The following MOK variants were observed in gnomAD, a reference collection of about 807,000 sequenced individuals.
MOK encodes the protein MOK protein kinase, also known as MAPK/MAK/MRK overlapping kinase.
In MOK, 59 loss-of-function variants were observed where a neutral mutation model predicts 54.2. The ratio of observed to expected loss-of-function variants is 1.09; its 90% CI spans 0.88 to 1.35. The LOEUF is 1.35. Among genes scored for constraint, MOK ranks in the 40% most tolerant of loss-of-function variants. The pLI, the probability that MOK is intolerant of heterozygous loss-of-function variation, is 0.00. For synonymous variants in MOK, 210 were observed against 202.7 expected (o/e 1.04, Z -0.31); for missense variants, 517 against 526.2 (o/e 0.98, Z 0.17).
At chr14:102,223,049 C>G (rs885586), downstream of MOK, 1 of 662,732 alleles carries the variant, frequency 1.5e-6, no homozygotes, top group Non-Finnish European at 2.5e-6. Flanking sequence ...GCCGTGCTCC[C>G]GCTGCTCACC....
At chr14:102,276,331 A>G (rs1387346790) in intron 2 of MOK, among the ~76,000 whole-genome samples, 1 of 150,542 alleles carries the variant, frequency 6.6e-6, no homozygotes, top group Non-Finnish European at 1.5e-5. Context: ...AAAAAATACA[A>G]AAAAAAAATT....
rs750364941 is a variant in MOK at position 102,236,500 on chromosome 14, C to T, written c.591-2711G>A. 6.6e-6 allele frequency among the ~76,000 whole-genome samples: 1 copy of T among 152,206 alleles called. No individual in the cohort carries two copies. Among genetic ancestry groups the T allele is most frequent in the Non-Finnish European group, 1.5e-5 (1 of 68,038 alleles). ...TTATCATGCCTCGTTGCCCTACCCC[C>T]ATCCTAGGCCAAATTCAAAGCCAAA... On this transcript the variant is annotated intron_variant, in intron 7 of 11. Coordinates refer to ENST00000361847, the MANE Select transcript of MOK (RefSeq NM_014226.3). The surrounding 1 kb of genome is among the most constrained non-coding windows in gnomAD (Gnocchi z 4.5).
At chr14:102,220,181 C>T (rs906642616), downstream of MOK, among the ~76,000 whole-genome samples, 1 of 152,188 alleles carries the variant, frequency 6.6e-6, no homozygotes, top group African/African-American at 2.4e-5. The surrounding 1 kb of genome is among the most constrained non-coding windows in gnomAD (Gnocchi z 4.2). Context: ...GCCGCCCTCC[C>T]CTGGGAGTGA....
chr14:102,290,935 C>T (rs1352587282), intron 1 of MOK, among the ~76,000 whole-genome samples: 1 of 152,120 alleles, frequency 6.6e-6, no homozygotes, highest in East Asian at 1.9e-4. Context: ...CCCCCAGCAC[C>T]GCTCTAGATC....
intron 4 of MOK, among the ~76,000 whole-genome samples, chr14:102,261,419 ATATATATATATATAT>A (rs1254508077): frequency 6.2e-4 from 7 of 11,380 alleles, no homozygotes; most frequent in East Asian, 2.0e-3. Context: ...AAAAAAAAAA[ATATATATATATATAT>A]ATATATATAT....
At chr14:102,226,307 C>T (rs751555109), downstream of MOK, 3 of 702,368 alleles carry the variant, frequency 4.3e-6, no homozygotes, top group East Asian at 5.4e-5. The surrounding 1 kb of genome is among the most constrained non-coding windows in gnomAD (Gnocchi z 4.8). Context: ...GGTGACACTG[C>T]GGCCGGGCAG....
chr14:102,224,037 A>ATTTTTTTTTTTTTTTTTTTTTTTTTTTTT (rs533802492), downstream of MOK, among the ~76,000 whole-genome samples: 1 of 123,124 alleles, frequency 8.1e-6, no homozygotes, highest in Non-Finnish European at 1.7e-5. Context: ...TTTACCTGAG[A>ATTTTTTTTTTTTTTTTTTTTTTTTTTTTT]TTTTTTTTTT....
chr14:102,296,238 T>A (rs1306720983), intron 1 of MOK, among the ~76,000 whole-genome samples: 3 of 116,790 alleles, frequency 2.6e-5, no homozygotes, highest in African/African-American at 3.5e-5. Context: ...AGACTGAGAG[T>A]ACGTCTCAAA....
rs148360666 is a variant in MOK at position 102,232,662 on chromosome 14, T to G, written c.739A>C (p.Ile247Leu). The G allele has an allele frequency of 1.2e-6, 2 of 1,613,964 alleles. No homozygotes were observed. Among genetic ancestry groups the G allele is most frequent in the South Asian group, 2.2e-5 (2 of 91,052 alleles). ...GACAAATTGGTTGTTAGTAGAGGTA[T>G]TCCTGATCCCTTTTTAAAAGGAAAA... is the stretch of plus-strand genomic sequence containing the variant. The part of the protein sequence containing the change: ...FDFPFKKGSG[I>L]PLLTTNLSPQ... Residue 247 changes from isoleucine (I) to leucine (L), a missense_variant, in exon 9 of 12, where the codon ATA becomes CTA. Transcript: ENST00000361847. The surrounding 1 kb of genome is among the most constrained non-coding windows in gnomAD (Gnocchi z 5.1).
chr14:102,234,342 C>G (rs1009369632), intron 7 of MOK, among the ~76,000 whole-genome samples: 2 of 151,994 alleles, frequency 1.3e-5, no homozygotes, highest in Admixed American at 6.6e-5. Flanking sequence ...CCTAGACTCT[C>G]CCATTGCTGG....
rs1341834962 is a variant in MOK, at chr14:102,282,274, A to AAGGCTGGGTGTAGTGGCTC, written c.122+1185_122+1203dup. On this transcript the variant is annotated intron_variant, in intron 2 of 11. Transcript: ENST00000361847. ...AAGTTAACTAATTAATTAAAAAATGAAGGCTGGGTGTAGTGGCTCAGGCTG... is the reference window on the plus strand; with the variant it reads ...AAGTTAACTAATTAATTAAAAAATGAAGGCTGGGTGTAGTGGCTCAGGCTGGGTGTAGTGGCTCAGGCTG... 7.2e-5 allele frequency among the ~76,000 whole-genome samples: 11 copies of AAGGCTGGGTGTAGTGGCTC among 152,124 alleles called. No individual in the cohort carries two copies. The East Asian group carries it at 2.1e-3, about 29-fold the overall frequency.
chr14:102,272,127 T>TCC (rs1201764330), intron 2 of MOK, among the ~76,000 whole-genome samples: 2 of 152,096 alleles, frequency 1.3e-5, no homozygotes, highest in South Asian at 4.1e-4. Context: ...CACCTCAGCC[T>TCC]CCCAATGTGC....
At chr14:102,278,409 G>A (rs1449883349) in intron 2 of MOK, among the ~76,000 whole-genome samples, 5 of 150,970 alleles carry the variant, frequency 3.3e-5, no homozygotes, top group African/African-American at 9.7e-5. Context: ...CTTTTAGAGA[G>A]ACTAATAAAT....
At chr14:102,257,074 T>C (rs1344998651) in intron 4 of MOK, among the ~76,000 whole-genome samples, 1 of 151,154 alleles carries the variant, frequency 6.6e-6, no homozygotes, top group Non-Finnish European at 1.5e-5. Flanking sequence ...CAGATTGGCT[T>C]GCTCAGGTCC....
At chr14:102,254,546 C>T (rs540182775) in intron 4 of MOK, among the ~76,000 whole-genome samples, 3 of 152,118 alleles carry the variant, frequency 2.0e-5, no homozygotes, top group Non-Finnish European at 4.4e-5. Context: ...GTGATCAAAC[C>T]CAGTCTCACT....
At chr14:102,303,270 C>A (rs2072444154) in intron 1 of MOK, among the ~76,000 whole-genome samples, 1 of 152,146 alleles carries the variant, frequency 6.6e-6, no homozygotes, top group Non-Finnish European at 1.5e-5. Flanking sequence ...GGAAGGGCCA[C>A]ACTGACAGAG....
chr14:102,229,322 G>A lies in MOK; in HGVS notation c.1227C>T (p.Arg409=), dbSNP rs1447611534. 51 of 1,613,130 alleles carry A rather than the reference G, an allele frequency of 3.2e-5. No homozygotes were observed. The highest frequency in any genetic ancestry group is 3.8e-5 in the Non-Finnish European group (45 of 1,179,528). ...CGCCTTTCCGCACTATGGTGGGCAG[G>A]CGACACTGCTGCGGGGCAGGCTTAA... ...KDLKPAPQQC[R]LPTIVRKGGR is the part of the protein sequence containing the mutation. The change falls in exon 12 of 12, where the codon CGC becomes CGT. Residue 409 remains arginine (R), a synonymous_variant. Coordinates refer to ENST00000361847, the MANE Select transcript of MOK (RefSeq NM_014226.3).
intron 7 of MOK, among the ~76,000 whole-genome samples, chr14:102,234,501 G>A (rs776159010): frequency 2.0e-5 from 3 of 152,076 alleles, no homozygotes; most frequent in Non-Finnish European, 2.9e-5. Context: ...TGGTTCCTCC[G>A]TTTCAGGGAC....
Position 102,240,944 on chromosome 14 carries a change from C to T in MOK, c.591-7155G>A, listed in dbSNP as rs770070835. ...AACTTAAAACCTCTTCAACTCTTGC[C>T]TGACCTAAAACCTAAGTGTCTTCGC... On this transcript the variant is annotated intron_variant, in intron 7 of 11. Transcript: ENST00000361847. The surrounding 1 kb of genome is among the most constrained non-coding windows in gnomAD (Gnocchi z 5.4). Among the ~76,000 whole-genome samples, 3 of 152,206 alleles carry T rather than the reference C, an allele frequency of 2.0e-5. No homozygotes were observed. The highest frequency in any genetic ancestry group is 2.9e-5 in the Non-Finnish European group (2 of 68,044).
Sources: allele counts gnomAD v4.1 joint callset (sites outside exome capture counted in the v4.1 genomes callset), GRCh38; gene constraint gnomAD v4.1.1; non-coding constraint Gnocchi (gnomAD v3.1); transcripts MANE v1.5; gene names NCBI Gene and HGNC (gene_info 2026-07-23, HGNC 2026-07-21).